The following DPH5 variants were observed in gnomAD, a reference collection of about 807,000 sequenced individuals.
DPH5 encodes diphthine methyl ester synthase.
DPH5 carries 31 observed loss-of-function variants against 31.6 expected under a neutral mutation model. The ratio of observed to expected loss-of-function variants is 0.98; its 90% CI spans 0.74 to 1.32. The LOEUF (loss-of-function observed/expected upper bound fraction) is 1.32. Among genes scored for constraint, DPH5 ranks in the 40% most tolerant of loss-of-function variants. The pLI is 0.00. For synonymous variants in DPH5, 120 were observed against 115.0 expected (o/e 1.04, Z -0.28); for missense variants, 309 against 335.7 (o/e 0.92, Z 0.62).
At chr1:101,013,519 C>T (rs758819928) in intron 4 of DPH5, 191 bp downstream of exon 4, 13 of 408,316 alleles carry the variant, frequency 3.2e-5, no homozygotes, top group Admixed American at 2.8e-4. Flanking sequence ...ACATTCGATT[C>T]CAATAAGGGG....
At chr1:101,023,832 C>T (rs1427426741) in intron 2 of DPH5, among the ~76,000 whole-genome samples, 1 of 152,084 alleles carries the variant, frequency 6.6e-6, no homozygotes, top group Non-Finnish European at 1.5e-5. Flanking sequence ...GTTTTTTACC[C>T]CATTTAAAAA....
intron 4 of DPH5, among the ~76,000 whole-genome samples, chr1:101,003,271 G>A (rs548163857): frequency 6.6e-6 from 1 of 152,300 alleles, no homozygotes; most frequent in African/African-American, 2.4e-5. Context: ...CAAGCTACCA[G>A]GATCGGTCCT....
chr1:101,008,037 T>C (rs1025241665), intron 4 of DPH5, among the ~76,000 whole-genome samples: 5 of 152,178 alleles, frequency 3.3e-5, no homozygotes, highest in Non-Finnish European at 5.9e-5. Flanking sequence ...ATGTGAAAAA[T>C]CCTAAAATTT....
At chr1:100,993,424 C>A (rs1428180539) in intron 6 of DPH5, among the ~76,000 whole-genome samples, 1 of 150,690 alleles carries the variant, frequency 6.6e-6, no homozygotes, top group Non-Finnish European at 1.5e-5. Context: ...TGGTGGCGCA[C>A]GCCTGTAATC....
chr1:100,991,799 A>G (rs554060691), intron 7 of DPH5, among the ~76,000 whole-genome samples: 1 of 151,532 alleles, frequency 6.6e-6, no homozygotes, highest in Admixed American at 6.6e-5. Flanking sequence ...AAAAAAAAAA[A>G]AAAAGTCTCA....
At chr1:100,998,914 A>G (rs1054413494) in intron 5 of DPH5, among the ~76,000 whole-genome samples, 1 of 152,146 alleles carries the variant, frequency 6.6e-6, no homozygotes, top group Non-Finnish European at 1.5e-5. Flanking sequence ...GGCAGCAAAT[A>G]TTTTAGGTTT....
rs1346320651 is a variant in DPH5, at chr1:100,989,927, T to G, written c.*481A>C. ...CTCACTGCCACAAGAAACCAAGCAT[T>G]GTTGAGTCAACTTCTTTTTGGTCAC... On this transcript the variant is annotated 3_prime_UTR_variant, in exon 8 of 8. Transcript: ENST00000370109. 1 of 154,852 alleles carries G rather than the reference T, an allele frequency of 6.5e-6. No homozygotes were observed. Among genetic ancestry groups the G allele is most frequent in the East Asian group, 1.9e-4 (1 of 5,220 alleles). 9.6% of individuals were successfully genotyped at this position (154,852 alleles called of 1,614,324 possible). A position where few individuals can be genotyped will look rare whatever the true frequency, so the allele number is the denominator to read the frequency against.
chr1:100,996,609 T>C (rs1049633290), intron 5 of DPH5, among the ~76,000 whole-genome samples: 8 of 152,176 alleles, frequency 5.3e-5, no homozygotes, highest in African/African-American at 1.9e-4. Flanking sequence ...ACTGAATAAA[T>C]TTACTCAAGT....
intron 4 of DPH5, 24 bp downstream of exon 4, chr1:101,013,686 G>T: frequency 1.4e-6 from 2 of 1,459,756 alleles, no homozygotes; most frequent in African/African-American, 1.4e-5. Context: ...TAATTCCACT[G>T]AAAAACCTCC....
chr1:100,990,620 C>G lies in DPH5; in HGVS notation c.646G>C (p.Glu216Gln), dbSNP rs2101127411. The G allele has an allele frequency of 6.2e-7, 1 of 1,613,928 alleles. No homozygotes were observed. Among genetic ancestry groups the G allele is most frequent in the Admixed American group, 1.7e-5 (1 of 59,982 alleles). ...IRGEEPAVTE[E>Q]TLCVGLARVG... ...CTGGCTAAGCCAACACAAAGTGTCT[C>G]CTCGGTAACTGCTATTAAAAAAAAA... The change falls in exon 8 of 8, where the codon GAG (glutamate) becomes CAG (glutamine). Residue 216 changes from glutamate to glutamine, a missense_variant. Transcript: ENST00000370109.
At chr1:101,020,388 TC>T (rs749300352) in intron 3 of DPH5, among the ~76,000 whole-genome samples, 12 of 152,110 alleles carry the variant, frequency 7.9e-5, no homozygotes, top group Non-Finnish European at 1.5e-4. Flanking sequence ...TAGTCTCTTT[TC>T]CTGGCTTCTG....
Position 100,992,710 on chromosome 1 carries a change from A to G in DPH5, c.561T>C (p.Tyr187=), listed in dbSNP as rs1287504568. ...KGRKIYEPPR[Y]MSVNQAAQQL... ...GCTGGGCTGCTTGGTTTACACTCATATACCGTGGAGGTTCATAGATCTTCC... is the reference window on the plus strand; with the variant it reads ...GCTGGGCTGCTTGGTTTACACTCATGTACCGTGGAGGTTCATAGATCTTCC... The change falls in exon 7 of 8, where the codon TAT becomes TAC. Residue 187 remains tyrosine, a synonymous_variant. Coordinates refer to ENST00000370109, the MANE Select transcript of DPH5 (RefSeq NM_015958.3). The G allele has an allele frequency of 6.2e-7, 1 of 1,613,786 alleles. No homozygotes were observed. Among genetic ancestry groups the G allele is most frequent in the African/African-American group, 1.3e-5 (1 of 74,906 alleles).
At position 101,011,961 on chromosome 1, in the gene DPH5, C is replaced by A. The variant is rs150837840; in HGVS notation, c.369+1749G>T. Among the ~76,000 whole-genome samples the A allele has an allele frequency of 2.8e-4, 39 of 138,144 alleles. 1 individual carries two copies. The South Asian group carries it at 8.0e-3, about 28-fold the overall frequency. 90.6% of individuals were successfully genotyped at this position (138,144 alleles called of 152,430 possible). On this transcript the variant is annotated intron_variant, in intron 4 of 7. Coordinates refer to ENST00000370109, the MANE Select transcript of DPH5 (RefSeq NM_015958.3). Reference sequence around the variant, plus strand: ...TGTCACCCAGGCTGGAGTGCAATGGCGCGATCTCAGCTCACTGCAACCTCC... The same window carrying A: ...TGTCACCCAGGCTGGAGTGCAATGGAGCGATCTCAGCTCACTGCAACCTCC...
Position 101,021,646 on chromosome 1 carries a change from TGGA to T in DPH5, c.252_254del (p.Asp84_Pro85delinsGlu). 1 of 1,612,630 alleles carries T rather than the reference TGGA, an allele frequency of 6.2e-7. No homozygotes were observed. The highest frequency in any genetic ancestry group is 8.5e-7 in the Non-Finnish European group (1 of 1,179,110). On this transcript the variant is annotated inframe_deletion, in exon 3 of 8. Transcript: ENST00000370109. Reference sequence around the variant, plus strand: ...AAATATCTGCCTTGACTTACCCAAATGGATCACCAACCACAAGGAATGCAACAT... The same window carrying T: ...AAATATCTGCCTTGACTTACCCAAATTCACCAACCACAAGGAATGCAACAT...
chr1:101,010,425 G>A (rs1431922796), intron 4 of DPH5, among the ~76,000 whole-genome samples: 1 of 152,164 alleles, frequency 6.6e-6, no homozygotes, highest in Non-Finnish European at 1.5e-5. Context: ...TACCATCATA[G>A]TGATAAACAA....
At chr1:101,005,250 A>T (rs992721254) in intron 4 of DPH5, among the ~76,000 whole-genome samples, 2 of 152,254 alleles carry the variant, frequency 1.3e-5, no homozygotes, top group African/African-American at 4.8e-5. Context: ...ACTTGCTAAG[A>T]ACTCTATTAA....
intron 4 of DPH5, among the ~76,000 whole-genome samples, chr1:101,010,740 G>A (rs1320533506): frequency 6.6e-6 from 1 of 152,028 alleles, no homozygotes; most frequent in African/African-American, 2.4e-5. Context: ...GAGCAAGAGA[G>A]CATGGCAAGA....
intron 5 of DPH5, chr1:100,995,792 A>C (rs1658296526): frequency 6.6e-6 from 1 of 152,226 alleles, no homozygotes; most frequent in Non-Finnish European, 1.5e-5. Flanking sequence ...GCTCAACTGA[A>C]CTATTTGGTA....
At chr1:101,016,526 C>A (rs1660088378) in intron 3 of DPH5, among the ~76,000 whole-genome samples, 1 of 150,598 alleles carries the variant, frequency 6.6e-6, no homozygotes, top group African/African-American at 2.4e-5. Flanking sequence ...CTCACTGCAA[C>A]CTCCACCTCC....
Sources: gnomAD v4.1 joint callset for allele counts (sites outside exome capture counted in the v4.1 genomes callset) on GRCh38, gnomAD v4.1.1 for gene constraint, MANE v1.5 for transcripts, NCBI Gene and HGNC (gene_info 2026-07-23, HGNC 2026-07-21) for gene names.